Variants in MEGF10 observed in about 807,000 individuals in gnomAD.
The protein encoded by MEGF10 is multiple epidermal growth factor-like domains protein 10.
A neutral mutation model predicts 147.5 loss-of-function variants in MEGF10; 86 were observed. That is an observed-to-expected ratio of 0.58 (90% CI 0.49 to 0.70). The LOEUF (loss-of-function observed/expected upper bound fraction) is 0.70, where lower values mean the gene tolerates loss of function less well. Among genes scored for constraint, MEGF10 ranks in the 30% least tolerant of loss-of-function variants. The pLI, the probability that MEGF10 is intolerant of heterozygous loss-of-function variation, is 0.00. For synonymous variants in MEGF10, 478 were observed against 525.5 expected, an observed-to-expected ratio of 0.91 and a Z score of 1.24; for missense variants, 1,329 against 1,487.3, an observed-to-expected ratio of 0.89 and a Z score of 1.75.
Position 127,449,039 on chromosome 5 carries a change from C to T in MEGF10, c.2857-60C>T, listed in dbSNP as rs538185500. 48 of 1,596,968 alleles carry T rather than the reference C, an allele frequency of 3.0e-5. No homozygotes were observed. The African/African-American group carries it at 5.5e-4, about 18-fold the overall frequency. On this transcript the variant is annotated intron_variant, in intron 21 of 24. Transcript: ENST00000503335. Reference sequence around the variant, plus strand: ...CCTGGACTTTTCCCCAGGTCCATAACGCTGTGCTGTGCCGCATTGTATTTT... The same window carrying T: ...CCTGGACTTTTCCCCAGGTCCATAATGCTGTGCTGTGCCGCATTGTATTTT...
intron 4 of MEGF10, among the ~76,000 whole-genome samples, chr5:127,352,497 A>G (rs1405118531): frequency 3.9e-5 from 6 of 152,238 alleles, no homozygotes; most frequent in Admixed American, 2.0e-4. Context: ...CCTCGTCTTT[A>G]CTAAAATACA....
In MEGF10 at chr5:127,422,687, G is replaced by A; in HGVS notation, c.1608G>A (p.Leu536=). 1 of 1,613,988 alleles carries A rather than the reference G, an allele frequency of 6.2e-7. No individual in the cohort carries two copies. Among genetic ancestry groups the A allele is most frequent in the Non-Finnish European group, 8.5e-7 (1 of 1,179,922 alleles). The change falls in exon 13 of 25, where the codon CTG becomes CTA. Residue 536 remains leucine (L), a synonymous_variant. Transcript: ENST00000503335. The stretch of plus-strand genomic sequence containing the variant: ...CCATGCAGGATGGCACGTACGGGCT[G>A]AACTGTGCTGAGCGCTGCGACTGCA... ...ELPCQDGTYG[L]NCAERCDCSH...
In MEGF10 at chr5:127,331,281, T is replaced by G. The variant is rs545315827; in HGVS notation, c.-18-10T>G. On this transcript the variant is annotated splice_polypyrimidine_tract_variant and intron_variant, in intron 1 of 24. Coordinates refer to ENST00000503335, the MANE Select transcript of MEGF10 (RefSeq NM_001256545.2). ...ATGCATTTCTAATTGGGATTTTTTCTTTCTTGTAGGTTGTTCTTCAGAAAA... is the reference window on the plus strand; with the variant it reads ...ATGCATTTCTAATTGGGATTTTTTCGTTCTTGTAGGTTGTTCTTCAGAAAA... 9.1e-6 allele frequency: 13 copies of G among 1,424,170 alleles called. No individual in the cohort carries two copies. The highest frequency in any genetic ancestry group is 1.3e-5 in the Non-Finnish European group (13 of 1,012,668). The allele number at this position is 1,424,170 out of a possible 1,614,324, so 88.2% of individuals were successfully genotyped here. A position where few individuals can be genotyped will look rare whatever the true frequency, so the allele number is the denominator to read the frequency against.
chr5:127,241,862 C>A, the MEGF10 span, among the ~76,000 whole-genome samples: 1 of 152,038 alleles, frequency 6.6e-6, no homozygotes, highest in African/African-American at 2.4e-5. Context: ...CAGGGAGGCA[C>A]TGAGGAGCCC....
chr5:127,229,672 C>G, the MEGF10 span: 1 of 152,360 alleles, frequency 6.6e-6, no homozygotes, highest in Non-Finnish European at 1.5e-5. Context: ...CTACCTATGC[C>G]CTTTACGGCA....
At chr5:127,270,383 G>A in the MEGF10 span, among the ~76,000 whole-genome samples, 3 of 152,124 alleles carry the variant, frequency 2.0e-5, no homozygotes. Context: ...AAGGGATGGA[G>A]GAAGATCTAC....
intron 21 of MEGF10, among the ~76,000 whole-genome samples, chr5:127,448,759 A>C (rs1304549790): frequency 6.6e-6 from 1 of 150,708 alleles, no homozygotes; most frequent in African/African-American, 2.4e-5. Context: ...CAAACATACA[A>C]TTTTTGATGG....
intron 1 of MEGF10, among the ~76,000 whole-genome samples, chr5:127,310,569 G>T (rs1435933875): frequency 6.6e-6 from 1 of 151,940 alleles, no homozygotes; most frequent in Admixed American, 6.6e-5. Flanking sequence ...TCTTTGAAGG[G>T]ATTTTGCTCT....
chr5:127,314,681 T>C (rs1233363042), intron 1 of MEGF10, among the ~76,000 whole-genome samples: 2 of 152,244 alleles, frequency 1.3e-5, no homozygotes, highest in Non-Finnish European at 2.9e-5. Context: ...AAGGGAATTT[T>C]AGGAATGAAT....
rs879574678 is a variant in MEGF10, at chr5:127,325,765, A to AT, written c.-18-5519dup. Reference sequence around the variant, plus strand: ...CTTCACTTCATGCTAATGTTTAGGGATTTTTTTGTGGAGATGGGGCTTGTT... The same window carrying AT: ...CTTCACTTCATGCTAATGTTTAGGGATTTTTTTTGTGGAGATGGGGCTTGTT... On this transcript the variant is annotated intron_variant, in intron 1 of 24. Coordinates refer to ENST00000503335, the MANE Select transcript of MEGF10 (RefSeq NM_001256545.2). 9.9e-5 allele frequency among the ~76,000 whole-genome samples: 15 copies of AT among 150,954 alleles called. 1 individual carries two copies. The highest frequency in any genetic ancestry group is 5.3e-4 in the Admixed American group (8 of 15,080).
At chr5:127,338,774 A>G (rs1761562914) in intron 2 of MEGF10, among the ~76,000 whole-genome samples, 1 of 152,120 alleles carries the variant, frequency 6.6e-6, no homozygotes, top group Admixed American at 6.6e-5. Flanking sequence ...TCTGTGAATG[A>G]TCTTTGTTAT....
chr5:127,250,287 C>T, the MEGF10 span, among the ~76,000 whole-genome samples: 1 of 151,916 alleles, frequency 6.6e-6, no homozygotes, highest in Admixed American at 6.6e-5. Flanking sequence ...CTATGTTTAA[C>T]ATCATTTCTG....
chr5:127,321,564 T>C (rs1760785889), intron 1 of MEGF10, among the ~76,000 whole-genome samples: 1 of 152,178 alleles, frequency 6.6e-6, no homozygotes, highest in African/African-American at 2.4e-5. Context: ...TCTTTGTTCC[T>C]CTATGGGGTT....
At chr5:127,366,128 G>A (rs971804605) in intron 4 of MEGF10, among the ~76,000 whole-genome samples, 2 of 152,080 alleles carry the variant, frequency 1.3e-5, no homozygotes, top group Non-Finnish European at 2.9e-5. Context: ...GTAAGACCAA[G>A]GTAGTAATTG....
chr5:127,260,424 G>A, the MEGF10 span, among the ~76,000 whole-genome samples: 1 of 152,134 alleles, frequency 6.6e-6, no homozygotes, highest in Non-Finnish European at 1.5e-5. Context: ...TCATACTTAA[G>A]AATAAAGAGT....
At chr5:127,413,371 A>G (rs1580837814) in intron 9 of MEGF10, among the ~76,000 whole-genome samples, 1 of 152,230 alleles carries the variant, frequency 6.6e-6, no homozygotes, top group African/African-American at 2.4e-5. Flanking sequence ...AAAGACATTT[A>G]ATAGCCATGG....
intron 5 of MEGF10, among the ~76,000 whole-genome samples, chr5:127,391,349 G>T (rs1029154006): frequency 6.6e-6 from 1 of 151,948 alleles, no homozygotes; most frequent in African/African-American, 2.4e-5. Flanking sequence ...GCCAAGGTGC[G>T]CAGATAGCTT....
upstream of MEGF10, among the ~76,000 whole-genome samples, chr5:127,290,525 G>A (rs1759197342): frequency 6.6e-6 from 1 of 152,196 alleles, no homozygotes; most frequent in South Asian, 2.1e-4. Flanking sequence ...ACCCCCTGCG[G>A]TGACCCCAAC....
the MEGF10 span, among the ~76,000 whole-genome samples, chr5:127,234,271 C>T: frequency 6.6e-6 from 1 of 152,202 alleles, no homozygotes; most frequent in Non-Finnish European, 1.5e-5. Flanking sequence ...AAAGAGCTTC[C>T]ACAGAAGTTT....
Sources: gnomAD v4.1 joint callset for allele counts (sites outside exome capture counted in the v4.1 genomes callset) on GRCh38, gnomAD v4.1.1 for gene constraint, MANE v1.5 for transcripts, NCBI Gene and HGNC (gene_info 2026-07-23, HGNC 2026-07-21) for gene names.